KHSRP: variants seen among roughly 807,000 people sequenced by gnomAD.
KHSRP encodes the protein far upstream element-binding protein 2.
In KHSRP, 13 loss-of-function variants were observed where a neutral mutation model predicts 94.9. The ratio of observed to expected loss-of-function variants is 0.14; its 90% CI spans 0.09 to 0.22. The LOEUF (loss-of-function observed/expected upper bound fraction) is 0.22. Ranked by LOEUF, KHSRP falls within the 10% of genes least tolerant of loss-of-function variation. The pLI is 1.00. For synonymous variants in KHSRP, 495 were observed against 401.4 expected (o/e 1.23, Z -2.79); for missense variants, 710 against 1,010.0 (o/e 0.70, Z 4.03).
At position 6,414,779 on chromosome 19, in the gene KHSRP, G is replaced by GCGAGGTGGTGGCGGC; in HGVS notation, c.*230_*244dup. ...TTCTTCCCAAGTGGCCAGATTGTGA[G>GCGAGGTGGTGGCGGC]CGAGGTGGTGGCGGCCGGGCCGGTG... On this transcript the variant is annotated 3_prime_UTR_variant, in exon 19 of 19. Transcript: ENST00000600480. 1.8e-6 allele frequency: 2 copies of GCGAGGTGGTGGCGGC among 1,135,672 alleles called. No homozygotes were observed. Among genetic ancestry groups the GCGAGGTGGTGGCGGC allele is most frequent in the Non-Finnish European group, 1.1e-6 (1 of 925,996 alleles). 70.3% of individuals were successfully genotyped at this position (1,135,672 alleles called of 1,614,324 possible). A position where few individuals can be genotyped will look rare whatever the true frequency, so the allele number is the denominator to read the frequency against.
At position 6,418,890 on chromosome 19, in the gene KHSRP, G is replaced by C; in HGVS notation, c.606-14C>G. The C allele has an allele frequency of 6.5e-7, 1 of 1,535,554 alleles. No homozygotes were observed. On this transcript the variant is annotated splice_polypyrimidine_tract_variant and intron_variant, in intron 7 of 18. Coordinates refer to ENST00000600480, the MANE Select transcript of KHSRP (RefSeq NM_001366299.1). The surrounding 1 kb of genome is among the most constrained non-coding windows in gnomAD (Gnocchi z 4.3). Reference sequence around the variant, plus strand: ...ATCTTGGCTTTCCTGGGAAGGGGAGGAGCGGGGGATGAGCGGGTGCCACCG... The same window carrying C: ...ATCTTGGCTTTCCTGGGAAGGGGAGCAGCGGGGGATGAGCGGGTGCCACCG...
intron 4 of KHSRP, 179 bp downstream of exon 4, chr19:6,421,099 G>A: frequency 1.6e-6 from 1 of 627,634 alleles, no homozygotes; most frequent in South Asian, 2.0e-5. Flanking sequence ...CTTCAGACAA[G>A]GGGTACGAGG....
chr19:6,413,971 C>A lies in KHSRP; in HGVS notation c.*1053G>T, dbSNP rs141757137. The A allele has an allele frequency of 2.0e-4, 233 of 1,138,514 alleles. 1 individual carries two copies. Among genetic ancestry groups the A allele is most frequent in the East Asian group, 1.9e-3 (69 of 37,198 alleles). The allele number at this position is 1,138,514 out of a possible 1,614,324, so 70.5% of individuals were successfully genotyped here. A position where few individuals can be genotyped will look rare whatever the true frequency, so the allele number is the denominator to read the frequency against. On this transcript the variant is annotated 3_prime_UTR_variant, in exon 19 of 19. Transcript: ENST00000600480. ...GCCCGGCATGCCCCCAAGTCCCCCCCACCCTGCTTGCCGCGAGGGCTCCCC... is the reference window on the plus strand; with the variant it reads ...GCCCGGCATGCCCCCAAGTCCCCCCAACCCTGCTTGCCGCGAGGGCTCCCC...
In KHSRP at chr19:6,415,314, A is replaced by G; in HGVS notation, c.1967-13T>C. ...GTGGCCACTTGCGCTGTGGGTGGAC[A>G]AAGGCAGGTGAGAGGCTGTGGGTGA... On this transcript the variant is annotated splice_polypyrimidine_tract_variant and intron_variant, in intron 18 of 18. Coordinates refer to ENST00000600480, the MANE Select transcript of KHSRP (RefSeq NM_001366299.1). The G allele has an allele frequency of 6.2e-7, 1 of 1,613,498 alleles. No individual in the cohort carries two copies. Among genetic ancestry groups the G allele is most frequent in the Non-Finnish European group, 8.5e-7 (1 of 1,179,814 alleles).
chr19:6,413,976 T>G lies in KHSRP; in HGVS notation c.*1048A>C. The G allele has an allele frequency of 2.1e-5, 8 of 386,148 alleles. No individual in the cohort carries two copies. The highest frequency in any genetic ancestry group is 2.7e-5 in the Non-Finnish European group (6 of 220,684). 23.9% of individuals were successfully genotyped at this position (386,148 alleles called of 1,614,324 possible). ...GCATGCCCCCAAGTCCCCCCCACCCTGCTTGCCGCGAGGGCTCCCCAGTAC... is the reference window on the plus strand; with the variant it reads ...GCATGCCCCCAAGTCCCCCCCACCCGGCTTGCCGCGAGGGCTCCCCAGTAC... On this transcript the variant is annotated 3_prime_UTR_variant, in exon 19 of 19. Coordinates refer to ENST00000600480, the MANE Select transcript of KHSRP (RefSeq NM_001366299.1).
chr19:6,418,680 G>A lies in KHSRP; in HGVS notation c.780+22C>T, dbSNP rs1040143342. On this transcript the variant is annotated intron_variant, in intron 8 of 18. Coordinates refer to ENST00000600480, the MANE Select transcript of KHSRP (RefSeq NM_001366299.1). The surrounding 1 kb of genome is among the most constrained non-coding windows in gnomAD (Gnocchi z 4.3). ...GGTGTGGCACACGGATGCAGAGGAAGCTGCCCAGGTGCTGCCCTCACCTGC... is the reference window on the plus strand; with the variant it reads ...GGTGTGGCACACGGATGCAGAGGAAACTGCCCAGGTGCTGCCCTCACCTGC... The A allele has an allele frequency of 1.2e-6, 2 of 1,613,854 alleles. No homozygotes were observed. The highest frequency in any genetic ancestry group is 1.7e-5 in the Admixed American group (1 of 60,008).
chr19:6,416,694 AG>A, intron 13 of KHSRP, 43 bp downstream of exon 13: 2 of 1,612,482 alleles, frequency 1.2e-6, no homozygotes, highest in South Asian at 1.1e-5. Flanking sequence ...GTGATGGCCC[AG>A]GGAAGAGGGG....
In KHSRP at chr19:6,414,233, T is replaced by G; in HGVS notation, c.*791A>C. On this transcript the variant is annotated 3_prime_UTR_variant, in exon 19 of 19. Coordinates refer to ENST00000600480, the MANE Select transcript of KHSRP (RefSeq NM_001366299.1). ...CCGTGGGGGGGGCCAGGAAGCCCCCTCCCAAACCTGCGCTGGCTCAGGCTG... is the reference window on the plus strand; with the variant it reads ...CCGTGGGGGGGGCCAGGAAGCCCCCGCCCAAACCTGCGCTGGCTCAGGCTG... 2.0e-6 allele frequency: 3 copies of G among 1,515,332 alleles called. No individual in the cohort carries two copies. The highest frequency in any genetic ancestry group is 2.7e-6 in the Non-Finnish European group (3 of 1,131,748). 93.9% of individuals were successfully genotyped at this position (1,515,332 alleles called of 1,614,324 possible).
chr19:6,420,234 C>CT lies in KHSRP; in HGVS notation c.476-91dup, dbSNP rs568656262. Reference sequence around the variant, plus strand: ...CTGTGTGGCCGGGGCCCCAGCCCCTCTGACGTTCAGGAGGGCAGCAGTCCT... The same window carrying CT: ...CTGTGTGGCCGGGGCCCCAGCCCCTCTTGACGTTCAGGAGGGCAGCAGTCCT... On this transcript the variant is annotated intron_variant, in intron 5 of 18. Coordinates refer to ENST00000600480, the MANE Select transcript of KHSRP (RefSeq NM_001366299.1). 1.5e-3 allele frequency: 1,936 copies of CT among 1,282,116 alleles called. 54 individuals carry two copies. The Admixed American group carries it at 0.036, about 24-fold the overall frequency. The allele number at this position is 1,282,116 out of a possible 1,614,324, so 79.4% of individuals were successfully genotyped here. A position where few individuals can be genotyped will look rare whatever the true frequency, so the allele number is the denominator to read the frequency against.
intron 10 of KHSRP, 49 bp from the exon 11 acceptor site, chr19:6,417,890 TCTGCTGCCCA>T: frequency 2.5e-6 from 4 of 1,602,012 alleles, no homozygotes; most frequent in South Asian, 1.1e-5. Flanking sequence ...TCTGCTGCCC[TCTGCTGCCCA>T]CTGGCCACAA....
At position 6,415,437 on chromosome 19, in the gene KHSRP, C is replaced by CGGGCTGCTG. The variant is rs945742526; in HGVS notation, c.1900_1908dup (p.Gln634_Pro636dup). 11 of 1,570,922 alleles carry CGGGCTGCTG rather than the reference C, an allele frequency of 7.0e-6. No individual in the cohort carries two copies. The highest frequency in any genetic ancestry group is 1.7e-4 in the Middle Eastern group (1 of 6,040). On this transcript the variant is annotated inframe_insertion, in exon 18 of 19. Transcript: ENST00000600480. ...GTGTAGTCCTGCTGTGGGGGTGCTC[C>CGGGCTGCTG]GGGCTGCTGGGGCTGCTGGCCTGTG...
chr19:6,418,866 T>C lies in KHSRP; in HGVS notation c.616A>G (p.Met206Val). The change falls in exon 8 of 19, where the codon ATG (methionine) becomes GTG (valine). Residue 206 changes from methionine to valine, a missense_variant. Coordinates refer to ENST00000600480, the MANE Select transcript of KHSRP (RefSeq NM_001366299.1). This position sits in a 1 kb window ranked among gnomAD's most constrained non-coding sequence, Gnocchi z 4.3. ...CGAGACACAATGTCATCCAGCATCA[T>C]CTTGGCTTTCCTGGGAAGGGGAGGA... is the stretch of plus-strand genomic sequence containing the variant. The part of the protein sequence containing the change: ...GAPESVQKAK[M>V]MLDDIVSRGR... 1 of 1,548,850 alleles carries C rather than the reference T, an allele frequency of 6.5e-7. No individual in the cohort carries two copies. Among genetic ancestry groups the C allele is most frequent in the Non-Finnish European group, 8.7e-7 (1 of 1,152,192 alleles).
Position 6,418,140 on chromosome 19 carries a change from T to A in KHSRP, c.880-61A>T. On this transcript the variant is annotated intron_variant, in intron 9 of 18. Transcript: ENST00000600480. This position sits in a 1 kb window ranked among gnomAD's most constrained non-coding sequence, Gnocchi z 4.3. ...CCCTGCTGCCCCACACCCCCCCACC[T>A]CCTCGGGGGTGCGGGCCTCAACTAA... The A allele has an allele frequency of 6.9e-7, 1 of 1,449,578 alleles. No homozygotes were observed. Among genetic ancestry groups the A allele is most frequent in the Non-Finnish European group, 9.7e-7 (1 of 1,035,876 alleles). 89.8% of individuals were successfully genotyped at this position (1,449,578 alleles called of 1,614,324 possible).
At chr19:6,423,741 G>T (rs993633765) in intron 1 of KHSRP, among the ~76,000 whole-genome samples, 3 of 152,162 alleles carry the variant, frequency 2.0e-5, no homozygotes, top group Non-Finnish European at 4.4e-5. Flanking sequence ...CCATTCTACC[G>T]ACCCCCACCC....
At chr19:6,415,761 G>A (rs2092140101) in intron 16 of KHSRP, 27 bp from the exon 17 acceptor site, 3 of 1,552,092 alleles carry the variant, frequency 1.9e-6, no homozygotes, top group Non-Finnish European at 1.7e-6. Flanking sequence ...GGGTGAGACG[G>A]GGGGACAGAA....
intron 4 of KHSRP, 71 bp from the exon 5 acceptor site, chr19:6,420,542 C>T: frequency 6.9e-7 from 1 of 1,453,870 alleles, no homozygotes; most frequent in African/African-American, 1.4e-5. Flanking sequence ...GGAAGGTCTA[C>T]TTGAAGCCAA....
rs112375724 is a variant in KHSRP, at chr19:6,418,144, C to T, written c.880-65G>A. The T allele has an allele frequency of 3.8e-4, 539 of 1,418,916 alleles. 5 individuals are homozygous for T. In the East Asian group the frequency reaches 4.1e-3, roughly 11 times the overall value. The allele number at this position is 1,418,916 out of a possible 1,614,324, so 87.9% of individuals were successfully genotyped here. A position where few individuals can be genotyped will look rare whatever the true frequency, so the allele number is the denominator to read the frequency against. On this transcript the variant is annotated intron_variant, in intron 9 of 18. Coordinates refer to ENST00000600480, the MANE Select transcript of KHSRP (RefSeq NM_001366299.1). This position sits in a 1 kb window ranked among gnomAD's most constrained non-coding sequence, Gnocchi z 4.3. The stretch of plus-strand genomic sequence containing the variant: ...GCTGCCCCACACCCCCCCACCTCCT[C>T]GGGGGTGCGGGCCTCAACTAAGGAC...
Position 6,414,916 on chromosome 19 carries a change from C to CCGGCGCAGGGAGGCCTCTT in KHSRP, c.*89_*107dup. ...GACAGCGGCACACAGGAACAAGCAG[C>CCGGCGCAGGGAGGCCTCTT]CGGCGCAGGGAGGCCTCTTCGTTTA... On this transcript the variant is annotated 3_prime_UTR_variant, in exon 19 of 19. Transcript: ENST00000600480. 7.2e-7 allele frequency: 1 copy of CCGGCGCAGGGAGGCCTCTT among 1,394,678 alleles called. No homozygotes were observed. Among genetic ancestry groups the CCGGCGCAGGGAGGCCTCTT allele is most frequent in the Non-Finnish European group, 9.3e-7 (1 of 1,079,532 alleles). The allele number at this position is 1,394,678 out of a possible 1,614,324, so 86.4% of individuals were successfully genotyped here.
chr19:6,423,610 G>A (rs878863535), intron 1 of KHSRP, among the ~76,000 whole-genome samples: 3 of 152,202 alleles, frequency 2.0e-5, no homozygotes, highest in Non-Finnish European at 4.4e-5. Flanking sequence ...AAGGGTGAGA[G>A]AGACGACAGA....
Sources: allele counts gnomAD v4.1 joint callset (sites outside exome capture counted in the v4.1 genomes callset), GRCh38; gene constraint gnomAD v4.1.1; non-coding constraint Gnocchi (gnomAD v3.1); transcripts MANE v1.5; gene names NCBI Gene and HGNC (gene_info 2026-07-23, HGNC 2026-07-21).